ELL: variants seen among roughly 807,000 people sequenced by gnomAD.
ELL encodes the protein RNA polymerase II elongation factor ELL.
A neutral mutation model predicts 64.0 loss-of-function variants in ELL; 18 were observed. That is an observed-to-expected ratio of 0.28 (90% CI 0.19 to 0.42). The LOEUF (loss-of-function observed/expected upper bound fraction) is 0.42, where lower values mean the gene tolerates loss of function less well. ELL is among the 10% of genes least tolerant of loss of function. The pLI is 1.00. For synonymous variants in ELL, 399 were observed against 376.2 expected (o/e 1.06, Z -0.70); for missense variants, 797 against 870.4 (o/e 0.92, Z 1.06).
chr19:18,464,715 A>G (rs1017995740), intron 4 of ELL, among the ~76,000 whole-genome samples: 1 of 152,212 alleles, frequency 6.6e-6, no homozygotes, highest in Non-Finnish European at 1.5e-5. Flanking sequence ...TCCTCCCTGA[A>G]GCCCGGCACC....
At chr19:18,491,048 T>C (rs1467833149) in intron 1 of ELL, among the ~76,000 whole-genome samples, 1 of 152,150 alleles carries the variant, frequency 6.6e-6, no homozygotes, top group East Asian at 1.9e-4. Context: ...CATGAAGGTA[T>C]TTTTCAGATG....
At chr19:18,508,218 G>C (rs796178052) in intron 1 of ELL, among the ~76,000 whole-genome samples, 3 of 152,296 alleles carry the variant, frequency 2.0e-5, no homozygotes, top group African/African-American at 7.2e-5. Context: ...CAAGGCGGGA[G>C]GATCACTTGA....
At chr19:18,466,867 G>GC (rs1415122599) in intron 2 of ELL, among the ~76,000 whole-genome samples, 3 of 152,162 alleles carry the variant, frequency 2.0e-5, no homozygotes, top group Non-Finnish European at 4.4e-5. Context: ...TGGCACCCAA[G>GC]CCCCGTCTCC....
intron 4 of ELL, among the ~76,000 whole-genome samples, chr19:18,462,250 AGTAT>A (rs1418089482): frequency 3.4e-5 from 4 of 118,318 alleles, no homozygotes; most frequent in East Asian, 4.8e-4. Flanking sequence ...TCTGGTGGGC[AGTAT>A]GTGTGTGTGA....
intron 2 of ELL, among the ~76,000 whole-genome samples, chr19:18,469,661 A>G (rs966520948): frequency 3.9e-5 from 6 of 152,178 alleles, no homozygotes; most frequent in Non-Finnish European, 7.4e-5. Context: ...GCACTAGTCC[A>G]TGCTCACAGA....
chr19:18,506,989 C>G (rs535303841), intron 1 of ELL, among the ~76,000 whole-genome samples: 1 of 152,258 alleles, frequency 6.6e-6, no homozygotes, highest in South Asian at 2.1e-4. Context: ...TCATGTGGCT[C>G]CAGGCACATG....
Position 18,479,708 on chromosome 19 carries a change from CA to C in ELL, c.136-6827del, listed in dbSNP as rs60371809. Among the ~76,000 whole-genome samples, 370 of 72,808 alleles carry C rather than the reference CA, an allele frequency of 5.1e-3. 3 individuals carry two copies. The highest frequency in any genetic ancestry group is 0.043 in the East Asian group (96 of 2,222). 47.8% of individuals were successfully genotyped at this position (72,808 alleles called of 152,430 possible). ...TGCACGACAGAGTGAGACTCCATCT[CA>C]AAAAAAAAAAAAAAAAAAAATCTAG... On this transcript the variant is annotated intron_variant, in intron 1 of 11. Transcript: ENST00000262809.
Position 18,500,234 on chromosome 19 carries a change from C to G in ELL, c.135+21687G>C, listed in dbSNP as rs189669940. Among the ~76,000 whole-genome samples, 542 of 150,986 alleles carry G rather than the reference C, an allele frequency of 3.6e-3. 5 individuals are homozygous for G. Among genetic ancestry groups the G allele is most frequent in the African/African-American group, 0.013 (516 of 40,972 alleles). ...CTGAGATCGTGCCATTGCACTCCAG[C>G]CTGGGTGACAGAGCAAGACTCCGTC... On this transcript the variant is annotated intron_variant, in intron 1 of 11. Transcript: ENST00000262809.
At chr19:18,484,336 G>A (rs1383084313) in intron 1 of ELL, among the ~76,000 whole-genome samples, 1 of 152,154 alleles carries the variant, frequency 6.6e-6, no homozygotes, top group Non-Finnish European at 1.5e-5. Context: ...GTGGTGGCAG[G>A]TGCCTGAAAT....
chr19:18,479,201 C>T (rs1056089237), intron 1 of ELL, among the ~76,000 whole-genome samples: 1 of 152,130 alleles, frequency 6.6e-6, no homozygotes, highest in Non-Finnish European at 1.5e-5. Context: ...CCATCTGGCT[C>T]GGGGGAGGCC....
chr19:18,464,610 AAGG>A lies in ELL; in HGVS notation c.469+799_469+801del, dbSNP rs563430037. On this transcript the variant is annotated intron_variant, in intron 4 of 11. Transcript: ENST00000262809. ...AAGGGAAATCACGTGCTTTCTTCGG[AAGG>A]AGGAGAGAGAGGAATTGAAATGCCC... Among the ~76,000 whole-genome samples the A allele has an allele frequency of 6.6e-4, 100 of 152,242 alleles. 1 individual carries two copies. Among genetic ancestry groups the A allele is most frequent in the Middle Eastern group, 3.4e-3 (1 of 294 alleles).
intron 2 of ELL, 83 bp from the exon 3 acceptor site, chr19:18,466,001 C>G (rs1974928533): frequency 1.7e-6 from 2 of 1,195,080 alleles, no homozygotes; most frequent in East Asian, 3.1e-5. Flanking sequence ...TGAGTCCCCA[C>G]AGTGCAACCC....
chr19:18,488,927 G>A (rs577842502), intron 1 of ELL, among the ~76,000 whole-genome samples: 43 of 152,312 alleles, frequency 2.8e-4, no homozygotes, highest in Non-Finnish European at 5.3e-4. Flanking sequence ...CAGGTCATGC[G>A]TCCTGGACCG....
rs138250487 is a variant in ELL, at chr19:18,509,582, T to TGCGCGCGCGCGC, written c.135+12327_135+12338dup. On this transcript the variant is annotated intron_variant, in intron 1 of 11. Transcript: ENST00000262809. ...AGATGGAGACACAGGCCAATGCACGTGCGCGCGCGCGCACATACACACACA... is the reference window on the plus strand; with the variant it reads ...AGATGGAGACACAGGCCAATGCACGTGCGCGCGCGCGCGCGCGCGCGCGCACATACACACACA... 8.1e-4 allele frequency among the ~76,000 whole-genome samples: 77 copies of TGCGCGCGCGCGC among 95,536 alleles called. 1 individual carries two copies. The highest frequency in any genetic ancestry group is 1.8e-3 in the South Asian group (5 of 2,814). The allele number at this position is 95,536 out of a possible 152,430, so 62.7% of individuals were successfully genotyped here. A position where few individuals can be genotyped will look rare whatever the true frequency, so the allele number is the denominator to read the frequency against.
At chr19:18,505,650 T>G (rs1975868704) in intron 1 of ELL, among the ~76,000 whole-genome samples, 2 of 152,120 alleles carry the variant, frequency 1.3e-5, no homozygotes, top group African/African-American at 4.8e-5. Context: ...ACTGGCGCCT[T>G]GCAAGCCACC....
intron 1 of ELL, among the ~76,000 whole-genome samples, chr19:18,498,758 T>C (rs1975717877): frequency 1.3e-5 from 2 of 152,206 alleles, no homozygotes; most frequent in Admixed American, 1.3e-4. Flanking sequence ...GAGACCAGCC[T>C]GGACAACATG....
intron 1 of ELL, among the ~76,000 whole-genome samples, chr19:18,499,759 A>G (rs1181069805): frequency 6.6e-6 from 1 of 152,088 alleles, no homozygotes; most frequent in Non-Finnish European, 1.5e-5. Context: ...CACAGGGGAC[A>G]AGGGCTGGGA....
At chr19:18,521,693 C>T (rs1323955884) in intron 1 of ELL, among the ~76,000 whole-genome samples, 1 of 152,104 alleles carries the variant, frequency 6.6e-6, no homozygotes, top group African/African-American at 2.4e-5. Context: ...CTGGGCCCCT[C>T]AGCAGCCCCG....
rs1268351798 is a variant in ELL at position 18,501,548 on chromosome 19, G to A, written c.135+20373C>T. Among the ~76,000 whole-genome samples, 1 of 152,160 alleles carries A rather than the reference G, an allele frequency of 6.6e-6. No homozygotes were observed. On this transcript the variant is annotated intron_variant, in intron 1 of 11. Transcript: ENST00000262809. This position sits in a 1 kb window ranked among gnomAD's most constrained non-coding sequence, Gnocchi z 4.5. ...AGAAGGGAGCAAGACACTGGTCCAC[G>A]GCACAGCCAGCTCAGAGCCAGGCGG...
Sources: allele counts gnomAD v4.1 joint callset (sites outside exome capture counted in the v4.1 genomes callset), GRCh38; gene constraint gnomAD v4.1.1; non-coding constraint Gnocchi (gnomAD v3.1); transcripts MANE v1.5; gene names NCBI Gene and HGNC (gene_info 2026-07-23, HGNC 2026-07-21).